HNF4G: variants seen among roughly 807,000 people sequenced by gnomAD.
HNF4G encodes hepatocyte nuclear factor 4-gamma.
In HNF4G, 21 loss-of-function variants were observed where a neutral mutation model predicts 50.9. That is an observed-to-expected ratio of 0.41 (90% CI 0.29 to 0.59). The LOEUF is 0.59. Ranked by LOEUF, HNF4G falls within the 20% of genes least tolerant of loss-of-function variation. The probability of loss-of-function intolerance (pLI) is 0.26; values close to 1 mark genes in which losing one functional copy is unlikely to be tolerated. For missense variants in HNF4G, 527 were observed against 559.4 expected (o/e 0.94, Z 0.58); for synonymous variants, 198 against 185.6 (o/e 1.07, Z -0.54).
At chr8:75,554,549 T>A (rs1030183261) in intron 5 of HNF4G, among the ~76,000 whole-genome samples, 1 of 152,140 alleles carries the variant, frequency 6.6e-6, no homozygotes, top group African/African-American at 2.4e-5. Context: ...GGTGTTATTA[T>A]CTCCATTTTA....
At position 75,431,255 on chromosome 8, in the gene HNF4G, G is replaced by A. The variant is rs190335479; in HGVS notation, c.-144+23093G>A. ...ATTGCAACATACATCTAATTGGAGA[G>A]CCAGAATGAAGGAAGAGAAAAAACA... On this transcript the variant is annotated intron_variant, in intron 1 of 10. Transcript: ENST00000354370. 2.6e-5 allele frequency among the ~76,000 whole-genome samples: 4 copies of A among 152,184 alleles called. No homozygotes were observed. In the East Asian group the frequency reaches 7.7e-4, roughly 29 times the overall value.
chr8:75,546,651 A>G (rs1806789223), intron 2 of HNF4G, among the ~76,000 whole-genome samples: 1 of 152,124 alleles, frequency 6.6e-6, no homozygotes, highest in African/African-American at 2.4e-5. Flanking sequence ...TTTGTTTAGA[A>G]TAGAATAGGC....
chr8:75,442,806 G>A (rs950063932), intron 1 of HNF4G, among the ~76,000 whole-genome samples: 6 of 151,992 alleles, frequency 3.9e-5, no homozygotes, highest in Non-Finnish European at 8.8e-5. Context: ...TTTTTAAGGT[G>A]TTCAGGGATA....
intron 2 of HNF4G, among the ~76,000 whole-genome samples, chr8:75,501,081 G>T (rs1305719741): frequency 2.0e-5 from 3 of 151,816 alleles, no homozygotes; most frequent in Non-Finnish European, 4.4e-5. Flanking sequence ...TAATAAAAAA[G>T]ACTAACAAGG....
intron 1 of HNF4G, among the ~76,000 whole-genome samples, chr8:75,428,260 T>C (rs1810931539): frequency 6.6e-6 from 1 of 152,210 alleles, no homozygotes; most frequent in African/African-American, 2.4e-5. Context: ...AGTGTCAGTG[T>C]TCTCTTTCTT....
In HNF4G at chr8:75,558,979, T is replaced by C; in HGVS notation, c.1065T>C (p.Phe355=). The change falls in exon 8 of 10, where the codon TTT becomes TTC. Residue 355 remains phenylalanine, a synonymous_variant. Transcript: ENST00000396423. The part of the protein sequence containing the change: ...ITWQMIEQIQ[F]VKLFGMVKID... ...GGCAAATGATTGAGCAAATACAGTT[T>C]GTTAAACTTTTTGGGATGGTTAAAA... 6.2e-7 allele frequency: 1 copy of C among 1,614,054 alleles called. No homozygotes were observed. The highest frequency in any genetic ancestry group is 8.5e-7 in the Non-Finnish European group (1 of 1,179,930).
intron 1 of HNF4G, among the ~76,000 whole-genome samples, chr8:75,411,563 A>G (rs1490781200): frequency 6.6e-6 from 1 of 152,230 alleles, no homozygotes; most frequent in African/African-American, 2.4e-5. Flanking sequence ...AGCTGATAAC[A>G]TCTGATGTTC....
chr8:75,560,586 T>C (rs1807282607), intron 9 of HNF4G, 120 bp downstream of exon 9: 1 of 812,656 alleles, frequency 1.2e-6, no homozygotes, highest in Non-Finnish European at 1.9e-6. Flanking sequence ...ATTTCCCATC[T>C]GAGACTCAGC....
chr8:75,453,442 A>G (rs112587359), intron 1 of HNF4G, among the ~76,000 whole-genome samples: 20 of 152,290 alleles, frequency 1.3e-4, no homozygotes, highest in African/African-American at 4.6e-4. Context: ...ACTCTGTTAA[A>G]TGGACCAATC....
At chr8:75,492,664 C>T (rs1352029664) in intron 2 of HNF4G, among the ~76,000 whole-genome samples, 1 of 152,090 alleles carries the variant, frequency 6.6e-6, no homozygotes, top group East Asian at 1.9e-4. Flanking sequence ...AGAACCAAAG[C>T]CTAGAGGGGG....
Position 75,540,024 on chromosome 8 carries a change from AC to A in HNF4G, c.65del (p.Pro22GlnfsTer27). 1 of 1,609,638 alleles carries A rather than the reference AC, an allele frequency of 6.2e-7. No individual in the cohort carries two copies. The highest frequency in any genetic ancestry group is 8.5e-7 in the Non-Finnish European group (1 of 1,175,988). On this transcript the variant is annotated frameshift_variant, in exon 1 of 10. Coordinates refer to ENST00000396423, the MANE Select transcript of HNF4G (RefSeq NM_004133.5). LOFTEE classifies it high-confidence loss of function. ...ATGGCAAATTACAGTGAAGTTTTGG[AC>A]CCAACTTACACAACTTTGGAGTTTG... ...MDMANYSEVL[D>X]PTYTTLEFET...
At chr8:75,436,948 G>C (rs908372339) in intron 1 of HNF4G, among the ~76,000 whole-genome samples, 1 of 152,222 alleles carries the variant, frequency 6.6e-6, no homozygotes, top group Admixed American at 6.5e-5. Context: ...GAAGGCTGAG[G>C]CTGGAGGATC....
chr8:75,456,404 A>G (rs1811724285), intron 1 of HNF4G, among the ~76,000 whole-genome samples: 1 of 152,128 alleles, frequency 6.6e-6, no homozygotes, highest in African/African-American at 2.4e-5. Context: ...CACTTGAAAT[A>G]TTGTTTCAAA....
chr8:75,534,214 G>A (rs976326967), intron 2 of HNF4G, among the ~76,000 whole-genome samples: 1 of 151,852 alleles, frequency 6.6e-6, no homozygotes, highest in African/African-American at 2.4e-5. Flanking sequence ...TTGTAAAAAC[G>A]AAATGCAGAA....
At chr8:75,489,527 G>C (rs1052234515) in intron 1 of HNF4G, among the ~76,000 whole-genome samples, 3 of 152,110 alleles carry the variant, frequency 2.0e-5, no homozygotes, top group African/African-American at 7.2e-5. Flanking sequence ...TGTTATACTT[G>C]TATCTGAATT....
intron 1 of HNF4G, 144 bp from the exon 2 acceptor site, chr8:75,543,667 A>G: frequency 3.3e-6 from 2 of 600,198 alleles, no homozygotes; most frequent in African/African-American, 1.9e-5. Flanking sequence ...GGAAGCAGCC[A>G]GCCAGGGGTT....
At chr8:75,504,230 GAC>G (rs201513424) in intron 2 of HNF4G, among the ~76,000 whole-genome samples, 16,462 of 108,130 alleles carry the variant, frequency 0.15, 1,038 homozygotes, top group Non-Finnish European at 0.18. Flanking sequence ...AAAGCACACA[GAC>G]ACACACACAC....
intron 2 of HNF4G, among the ~76,000 whole-genome samples, chr8:75,511,831 G>T (rs1338796549): frequency 6.6e-6 from 1 of 152,202 alleles, no homozygotes; most frequent in African/African-American, 2.4e-5. Context: ...ACCCGCCTCG[G>T]CCTCCCAGAG....
chr8:75,453,163 C>G (rs1437288945), intron 1 of HNF4G, among the ~76,000 whole-genome samples: 1 of 152,206 alleles, frequency 6.6e-6, no homozygotes, highest in Non-Finnish European at 1.5e-5. Context: ...TTGCCAGAAG[C>G]AGAATGGCAC....
Sources: allele counts gnomAD v4.1 joint callset (sites outside exome capture counted in the v4.1 genomes callset), GRCh38; gene constraint gnomAD v4.1.1; transcripts MANE v1.5; gene names NCBI Gene and HGNC (gene_info 2026-07-23, HGNC 2026-07-21).